CREB5: variants seen among roughly 807,000 people sequenced by gnomAD.
CREB5 encodes cAMP responsive element binding protein 5, also known as cyclic AMP-responsive element-binding protein 5.
CREB5 carries 19 observed loss-of-function variants against 57.1 expected under a neutral mutation model. The ratio of observed to expected loss-of-function variants is 0.33; its 90% confidence interval spans 0.23 to 0.49. The LOEUF is 0.49. Ranked by LOEUF, CREB5 falls within the 20% of genes least tolerant of loss-of-function variation. CREB5 has a pLI of 0.99. For missense variants in CREB5, 579 were observed against 671.6 expected, an observed-to-expected ratio of 0.86 and a Z score of 1.52; for synonymous variants, 238 against 238.3, an observed-to-expected ratio of 1.00 and a Z score of 0.01.
intron 5 of CREB5, among the ~76,000 whole-genome samples, chr7:28,671,490 C>T (rs1562562167): frequency 6.6e-6 from 1 of 152,126 alleles, no homozygotes; most frequent in African/African-American, 2.4e-5. Flanking sequence ...CCTAATTTTT[C>T]AGACTGGGGA....
intron 5 of CREB5, among the ~76,000 whole-genome samples, chr7:28,650,173 A>G (rs954484051): frequency 2.0e-4 from 31 of 152,356 alleles, no homozygotes; most frequent in African/African-American, 7.5e-4. Flanking sequence ...TTCTGTGTCC[A>G]GAATAGAGAA....
intron 4 of CREB5, among the ~76,000 whole-genome samples, chr7:28,556,559 A>T (rs981910546): frequency 1.3e-5 from 2 of 151,968 alleles, no homozygotes; most frequent in African/African-American, 4.8e-5. Context: ...TACCCTTCTG[A>T]CTTAATTTTT....
rs188752326 is a variant in CREB5, at chr7:28,790,618, G to A, written c.703-13581G>A. On this transcript the variant is annotated intron_variant, in intron 7 of 10. Transcript: ENST00000357727. ...CATTCAGATGGGCTTGGTCCCATCA[G>A]TTAGTCAGACCAGAACCAAGTGGTG... 6.4e-4 allele frequency among the ~76,000 whole-genome samples: 98 copies of A among 152,368 alleles called. 1 individual carries two copies. The South Asian group carries it at 0.011, about 16-fold the overall frequency.
At chr7:28,441,027 T>G (rs948690797) in intron 1 of CREB5, among the ~76,000 whole-genome samples, 1 of 152,218 alleles carries the variant, frequency 6.6e-6, no homozygotes, top group African/African-American at 2.4e-5. Context: ...GACCCTTGTG[T>G]ATTTCAAGGG....
At chr7:28,577,354 G>A (rs1332767610) in intron 5 of CREB5, among the ~76,000 whole-genome samples, 1 of 152,186 alleles carries the variant, frequency 6.6e-6, no homozygotes, top group Admixed American at 6.5e-5. Context: ...CAGAGAGTGA[G>A]AACAGAATAG....
At chr7:28,443,616 T>C (rs1459077210) in intron 1 of CREB5, among the ~76,000 whole-genome samples, 1 of 152,192 alleles carries the variant, frequency 6.6e-6, no homozygotes, top group Non-Finnish European at 1.5e-5. Flanking sequence ...TCCAGAAATA[T>C]GTATTGAATA....
intron 1 of CREB5, among the ~76,000 whole-genome samples, chr7:28,434,031 G>A (rs911695931): frequency 8.5e-5 from 13 of 152,056 alleles, no homozygotes; most frequent in African/African-American, 3.1e-4. Flanking sequence ...TCAGTTGAGA[G>A]GAAGAGTTCA....
upstream of CREB5, among the ~76,000 whole-genome samples, chr7:28,408,513 C>T (rs568276224): frequency 8.3e-4 from 127 of 152,266 alleles, 1 homozygote; most frequent in Middle Eastern, 6.8e-3. Context: ...CTGGCTCTGC[C>T]GCTCCCCAGC....
At chr7:28,724,426 G>A (rs1803223518) in intron 7 of CREB5, 94 bp downstream of exon 7, 3 of 1,029,244 alleles carry the variant, frequency 2.9e-6, no homozygotes, top group Non-Finnish European at 4.4e-6. Flanking sequence ...CTAGGTAGAG[G>A]GCTCCATCTT....
At chr7:28,798,613 G>A (rs909144367) in intron 7 of CREB5, among the ~76,000 whole-genome samples, 6 of 152,302 alleles carry the variant, frequency 3.9e-5, no homozygotes, top group South Asian at 2.1e-4. Flanking sequence ...CCACCCTCCC[G>A]TCGCGGATAG....
At chr7:28,738,982 G>C (rs1457260705) in intron 7 of CREB5, among the ~76,000 whole-genome samples, 1 of 152,156 alleles carries the variant, frequency 6.6e-6, no homozygotes, top group Non-Finnish European at 1.5e-5. Flanking sequence ...TATAACTTAA[G>C]ACTCAAGAAC....
chr7:28,674,507 T>C (rs1800226318), intron 5 of CREB5, among the ~76,000 whole-genome samples: 1 of 152,134 alleles, frequency 6.6e-6, no homozygotes, highest in Admixed American at 6.6e-5. Flanking sequence ...TTTCTGAGAT[T>C]TACACTGCCT....
At chr7:28,743,167 T>C (rs940299691) in intron 7 of CREB5, among the ~76,000 whole-genome samples, 3 of 152,188 alleles carry the variant, frequency 2.0e-5, no homozygotes, top group African/African-American at 7.2e-5. Context: ...TCCCTGGTGA[T>C]TCAAGGCTAT....
intron 4 of CREB5, among the ~76,000 whole-genome samples, chr7:28,536,816 T>C (rs1488897952): frequency 1.3e-5 from 2 of 152,204 alleles, no homozygotes; most frequent in African/African-American, 4.8e-5. Flanking sequence ...AAAGTAGCTA[T>C]TTTATATCCA....
chr7:28,682,145 G>A (rs1218235634), intron 5 of CREB5, among the ~76,000 whole-genome samples: 2 of 152,218 alleles, frequency 1.3e-5, no homozygotes, highest in African/African-American at 2.4e-5. Flanking sequence ...TTGGGGTATA[G>A]GAGGTGCAGT....
At position 28,420,818 on chromosome 7, in the gene CREB5, A is replaced by T. The variant is rs943212932; in HGVS notation, c.3+7901A>T. ...GCAAGACTCCATCTCAAAAAAAAAA[A>T]AAAAAAAAAAAGGTTAGGGTGGCAA... On this transcript the variant is annotated intron_variant, in intron 1 of 10. Transcript: ENST00000357727. 8.6e-5 allele frequency among the ~76,000 whole-genome samples: 13 copies of T among 151,332 alleles called. No individual in the cohort carries two copies. In the East Asian group the frequency reaches 1.5e-3, roughly 18 times the overall value.
chr7:28,761,819 A>C (rs775034597), intron 7 of CREB5, among the ~76,000 whole-genome samples: 12 of 152,032 alleles, frequency 7.9e-5, no homozygotes, highest in Non-Finnish European at 1.8e-4. Flanking sequence ...AAATAAGCCA[A>C]TTATATATGC....
At chr7:28,696,141 T>TACCATTC (rs1341023363) in intron 5 of CREB5, among the ~76,000 whole-genome samples, 1 of 152,198 alleles carries the variant, frequency 6.6e-6, no homozygotes, top group Non-Finnish European at 1.5e-5. Flanking sequence ...CCAGGTGCCG[T>TACCATTC]ACCATTCGGC....
chr7:28,582,021 G>A (rs371854702), intron 5 of CREB5, among the ~76,000 whole-genome samples: 150 of 152,310 alleles, frequency 9.8e-4, no homozygotes, highest in South Asian at 2.3e-3. Flanking sequence ...GTACGAATAA[G>A]AAGTAAATGA....
Sources: gnomAD v4.1 joint callset for allele counts (sites outside exome capture counted in the v4.1 genomes callset) on GRCh38, gnomAD v4.1.1 for gene constraint, MANE v1.5 for transcripts, NCBI Gene and HGNC (gene_info 2026-07-23, HGNC 2026-07-21) for gene names.